Variants in TLL1 observed in about 807,000 individuals in gnomAD.
TLL1 encodes the protein tolloid-like protein 1.
A neutral mutation model predicts 128.2 loss-of-function variants in TLL1; 49 were observed. The ratio of observed to expected loss-of-function variants is 0.38; its 90% confidence interval spans 0.30 to 0.48. The LOEUF (loss-of-function observed/expected upper bound fraction) is 0.48, where lower values mean the gene tolerates loss of function less well. Ranked by LOEUF, TLL1 falls within the 20% of genes least tolerant of loss-of-function variation. The probability of loss-of-function intolerance (pLI) is 0.96; values close to 1 mark genes in which losing one functional copy is unlikely to be tolerated. For missense variants in TLL1, 1,123 were observed against 1,242.0 expected, an observed-to-expected ratio of 0.90 and a Z score of 1.44; for synonymous variants, 454 against 418.8, an observed-to-expected ratio of 1.08 and a Z score of -1.03.
intron 8 of TLL1, among the ~76,000 whole-genome samples, chr4:166,024,557 C>T (rs964210467): frequency 1.3e-5 from 2 of 152,074 alleles, no homozygotes; most frequent in Non-Finnish European, 1.5e-5. Flanking sequence ...CAGGGAAGCC[C>T]GTTGTAGAAT....
intron 12 of TLL1, among the ~76,000 whole-genome samples, chr4:166,046,315 C>T (rs1374143349): frequency 1.3e-5 from 2 of 152,170 alleles, no homozygotes; most frequent in East Asian, 1.9e-4. Context: ...TATGGAGTAC[C>T]TGGTATGGTG....
intron 1 of TLL1, among the ~76,000 whole-genome samples, chr4:165,933,159 G>A (rs1733606586): frequency 6.6e-6 from 1 of 152,138 alleles, no homozygotes; most frequent in African/African-American, 2.4e-5. Flanking sequence ...GGTACTTAAA[G>A]CATCAAGTTA....
chr4:165,918,283 G>T (rs1214603043), intron 1 of TLL1, among the ~76,000 whole-genome samples: 1 of 152,118 alleles, frequency 6.6e-6, no homozygotes, highest in Non-Finnish European at 1.5e-5. Context: ...TTAAGGTACA[G>T]CATCATAGAA....
At chr4:165,946,407 C>T (rs1734250913) in intron 1 of TLL1, among the ~76,000 whole-genome samples, 1 of 151,882 alleles carries the variant, frequency 6.6e-6, no homozygotes. Flanking sequence ...ATGATCATAG[C>T]TCACTGCAGC....
At chr4:166,007,590 A>G (rs1737497550) in intron 6 of TLL1, among the ~76,000 whole-genome samples, 1 of 151,676 alleles carries the variant, frequency 6.6e-6, no homozygotes, top group African/African-American at 2.4e-5. Flanking sequence ...GGAAACTCAT[A>G]GATAAAAACA....
At chr4:165,924,473 C>G (rs1176747192) in intron 1 of TLL1, among the ~76,000 whole-genome samples, 1 of 152,206 alleles carries the variant, frequency 6.6e-6, no homozygotes, top group Non-Finnish European at 1.5e-5. Flanking sequence ...GGCTCTAACT[C>G]TATTCAAGGC....
intron 1 of TLL1, among the ~76,000 whole-genome samples, chr4:165,924,247 G>A (rs547870837): frequency 8.5e-5 from 13 of 152,246 alleles, no homozygotes; most frequent in African/African-American, 9.6e-5. Context: ...GTCCAAAGCC[G>A]AGATAGGCCA....
intron 1 of TLL1, among the ~76,000 whole-genome samples, chr4:165,963,269 A>G (rs1444836408): frequency 1.3e-5 from 2 of 152,046 alleles, no homozygotes; most frequent in African/African-American, 4.8e-5. Flanking sequence ...GAATCATTCA[A>G]TATACTTTTA....
intron 12 of TLL1, among the ~76,000 whole-genome samples, chr4:166,049,029 T>C (rs1031015220): frequency 1.3e-5 from 2 of 152,210 alleles, no homozygotes; most frequent in African/African-American, 4.8e-5. Flanking sequence ...GTGAGTGAAC[T>C]AAAAAGCCGA....
chr4:166,097,461 G>A (rs758189586), intron 19 of TLL1, among the ~76,000 whole-genome samples: 2 of 152,052 alleles, frequency 1.3e-5, no homozygotes, highest in Non-Finnish European at 2.9e-5. Context: ...GTGTAACACA[G>A]CCCAATGGGG....
At chr4:166,030,845 T>C in intron 9 of TLL1, 1 of 999,632 alleles carries the variant, frequency 1.0e-6, no homozygotes, top group Non-Finnish European at 1.2e-6. Context: ...TTAGCGTTTT[T>C]GTTTTTTTCT....
intron 1 of TLL1, among the ~76,000 whole-genome samples, chr4:165,907,871 C>T (rs1241833766): frequency 6.6e-6 from 1 of 152,088 alleles, no homozygotes; most frequent in South Asian, 2.1e-4. Flanking sequence ...TTATAAACTT[C>T]TGATAAGCAG....
chr4:165,992,753 C>T, intron 2 of TLL1, 51 bp from the exon 3 acceptor site: 9 of 1,538,202 alleles, frequency 5.9e-6, no homozygotes, highest in Non-Finnish European at 8.1e-6. Context: ...TTTTTATTTG[C>T]AAGAACTTTA....
At chr4:165,936,206 A>ATATATT (rs765472596) in intron 1 of TLL1, among the ~76,000 whole-genome samples, 6 of 139,610 alleles carry the variant, frequency 4.3e-5, no homozygotes, top group African/African-American at 1.6e-4. Flanking sequence ...ATATATATAT[A>ATATATT]TTTTTTTTTC....
At chr4:165,925,861 C>T (rs1045067493) in intron 1 of TLL1, among the ~76,000 whole-genome samples, 1 of 152,148 alleles carries the variant, frequency 6.6e-6, no homozygotes, top group African/African-American at 2.4e-5. Flanking sequence ...TGATGCAGGA[C>T]CCTCCATCAG....
In TLL1 at chr4:166,057,177, T is replaced by C. The variant is rs748641363; in HGVS notation, c.1721-7T>C. The C allele has an allele frequency of 3.3e-5, 53 of 1,613,594 alleles. No individual in the cohort carries two copies. Among genetic ancestry groups the C allele is most frequent in the Non-Finnish European group, 4.2e-5 (49 of 1,179,822 alleles). On this transcript the variant is annotated splice_region_variant and splice_polypyrimidine_tract_variant and intron_variant, in intron 13 of 20. Transcript: ENST00000061240. The stretch of plus-strand genomic sequence containing the variant: ...TAGTTGTTCTATAACTATGACCATT[T>C]TCATAGAGGAAGATGAGTGTGCCAA...
intron 9 of TLL1, among the ~76,000 whole-genome samples, chr4:166,027,000 G>A (rs141645004): frequency 1.0e-3 from 158 of 152,208 alleles, no homozygotes; most frequent in African/African-American, 3.5e-3. Context: ...GATGCCCGTC[G>A]ATGGTGGATG....
intron 1 of TLL1, among the ~76,000 whole-genome samples, chr4:165,929,910 C>A (rs1288028360): frequency 6.6e-6 from 1 of 152,150 alleles, no homozygotes; most frequent in African/African-American, 2.4e-5. Flanking sequence ...CAGCTCATTC[C>A]TTGTTTATAT....
At chr4:166,057,013 G>C (rs746473991) in intron 13 of TLL1, among the ~76,000 whole-genome samples, 171 bp from the exon 14 acceptor site, 3 of 152,040 alleles carry the variant, frequency 2.0e-5, no homozygotes, top group Non-Finnish European at 4.4e-5. Context: ...GCATGGAAAA[G>C]AACCCCCAAC....
Sources: allele counts gnomAD v4.1 joint callset (sites outside exome capture counted in the v4.1 genomes callset), GRCh38; gene constraint gnomAD v4.1.1; transcripts MANE v1.5; gene names NCBI Gene and HGNC (gene_info 2026-07-23, HGNC 2026-07-21).